Variants in ABCA6 observed in about 807,000 individuals in gnomAD.
The protein encoded by ABCA6 is ATP binding cassette subfamily A member 6, also known as ATP-binding cassette sub-family A member 6.
In ABCA6, 164 loss-of-function variants were observed where a neutral mutation model predicts 191.2. The observed-to-expected ratio is 0.86, with a 90% CI of 0.76 to 0.98. The LOEUF is 0.98. Among genes scored for constraint, ABCA6 ranks in the 50% least tolerant of loss-of-function variants. The probability of loss-of-function intolerance (pLI) is 0.00; values close to 1 mark genes in which losing one functional copy is unlikely to be tolerated. For synonymous variants in ABCA6, 636 were observed against 647.7 expected (o/e 0.98, Z 0.27); for missense variants, 1,958 against 1,894.1 (o/e 1.03, Z -0.63).
At position 69,124,207 on chromosome 17, in the gene ABCA6, A is replaced by G. The variant is rs553404464; in HGVS notation, c.1267+681T>C. Among the ~76,000 whole-genome samples the G allele has an allele frequency of 2.6e-5, 4 of 152,150 alleles. No homozygotes were observed. In the South Asian group the frequency reaches 8.3e-4, roughly 32 times the overall value. On this transcript the variant is annotated intron_variant, in intron 9 of 38. Transcript: ENST00000284425. The stretch of plus-strand genomic sequence containing the variant: ...AATTTATTATTAAGGGCCTTCACAT[A>G]TCAACCAGAAGTCACAGAAAGACAG...
Position 69,124,971 on chromosome 17 carries a change from G to T in ABCA6, c.1184C>A (p.Thr395Lys). Residue 395 changes from threonine to lysine, a missense_variant, in exon 9 of 39, where the codon ACA becomes AAA. By Grantham distance (78) the Thr-to-Lys change is moderately conservative. Transcript: ENST00000284425. Reference sequence around the variant, plus strand: ...CAACATAGAAAAAGTTGCTATCATTGTATATGAGTCTCCTGAAGGGTCAGG... The same window carrying T: ...CAACATAGAAAAAGTTGCTATCATTTTATATGAGTCTCCTGAAGGGTCAGG... ...IFPDPSGDSY[T>K]MIATFSMLLL... 6.4e-7 allele frequency: 1 copy of T among 1,558,084 alleles called. No homozygotes were observed.
In ABCA6 at chr17:69,091,341, T is replaced by C. The variant is rs557362822; in HGVS notation, c.3409-79A>G. 49 of 1,481,862 alleles carry C rather than the reference T, an allele frequency of 3.3e-5. No homozygotes were observed. The African/African-American group carries it at 5.4e-4, about 16-fold the overall frequency. The allele number at this position is 1,481,862 out of a possible 1,614,324, so 91.8% of individuals were successfully genotyped here. On this transcript the variant is annotated intron_variant, in intron 25 of 38. Transcript: ENST00000284425. Reference sequence around the variant, plus strand: ...TTGTAAAACATTTAAGATGCAGGTGTTCTCATGATGTATATCATAATGTTC... The same window carrying C: ...TTGTAAAACATTTAAGATGCAGGTGCTCTCATGATGTATATCATAATGTTC...
rs1159490117 is a variant in ABCA6, at chr17:69,093,331, A to T, written c.3409-2069T>A. On this transcript the variant is annotated intron_variant, in intron 25 of 38. Coordinates refer to ENST00000284425, the MANE Select transcript of ABCA6 (RefSeq NM_080284.3). The stretch of plus-strand genomic sequence containing the variant: ...AGTTGCGCACCCCCACCTCCGCCGA[A>T]GTTAAAGTTAAAAGAGAATACTAAC... 2.0e-5 allele frequency among the ~76,000 whole-genome samples: 3 copies of T among 152,214 alleles called. No homozygotes were observed. In the East Asian group the frequency reaches 5.8e-4, roughly 29 times the overall value.
intron 34 of ABCA6, among the ~76,000 whole-genome samples, chr17:69,084,050 A>G (rs1348944865): frequency 6.6e-6 from 1 of 152,198 alleles, no homozygotes; most frequent in Admixed American, 6.5e-5. Flanking sequence ...TAAAACCCCA[A>G]GAAAATGTTG....
chr17:69,112,207 C>T lies in ABCA6; in HGVS notation c.2108G>A (p.Arg703Lys), dbSNP rs2073436659. ...CAGSSMFLKR[R>K]WGLGYHLSLH... ...CCTTAGGTGATATCCAAGACCCCAC[C>T]TTCTTTTCAAAAACATAGAAGAACC... The change falls in exon 16 of 39, where the codon AGG (arginine) becomes AAG (lysine). Residue 703 changes from arginine (R) to lysine (K), a missense_variant. Arg to Lys is a conservative substitution (Grantham distance 26). Transcript: ENST00000284425. 4.3e-6 allele frequency: 7 copies of T among 1,612,342 alleles called. No homozygotes were observed. Among genetic ancestry groups the T allele is most frequent in the South Asian group, 1.1e-5 (1 of 91,020 alleles).
chr17:69,135,545 C>T (rs936716472), intron 4 of ABCA6: 2 of 155,096 alleles, frequency 1.3e-5, no homozygotes, highest in African/African-American at 4.8e-5. Flanking sequence ...TTTCATGTTC[C>T]TTGTTCAGCT....
At chr17:69,079,979 A>G (rs1457715872) in intron 37 of ABCA6, among the ~76,000 whole-genome samples, 1 of 152,158 alleles carries the variant, frequency 6.6e-6, no homozygotes, top group Non-Finnish European at 1.5e-5. Context: ...AGAAGGCCAC[A>G]CTAATAAGGT....
chr17:69,119,850 C>A (rs2073608718), intron 10 of ABCA6, among the ~76,000 whole-genome samples: 1 of 151,914 alleles, frequency 6.6e-6, no homozygotes, highest in Admixed American at 6.6e-5. Context: ...AAATTAGAAA[C>A]AACTAGAATA....
At chr17:69,139,098 G>A (rs1330432149) in intron 2 of ABCA6, among the ~76,000 whole-genome samples, 1 of 152,254 alleles carries the variant, frequency 6.6e-6, no homozygotes, top group East Asian at 1.9e-4. Context: ...TGACAAATGA[G>A]ATCTAATTAA....
In ABCA6 at chr17:69,110,818, C is replaced by T. The variant is rs937102043; in HGVS notation, c.2255G>A (p.Arg752Lys). The part of the protein sequence containing the change: ...EKLVYTLPLE[R>K]TNTFPDLFSD... Reference sequence around the variant, plus strand: ...TGAGTTACCTGGAAATGTATTTGTCCTTTCCAGTGGCAAAGTATATACAAG... The same window carrying T: ...TGAGTTACCTGGAAATGTATTTGTCTTTTCCAGTGGCAAAGTATATACAAG... Residue 752 changes from arginine to lysine, a missense_variant, in exon 17 of 39, where the codon AGG (arginine) becomes AAG (lysine). By Grantham distance (26) the Arg-to-Lys change is conservative. Transcript: ENST00000284425. 1.2e-6 allele frequency: 2 copies of T among 1,608,026 alleles called. No homozygotes were observed. Among genetic ancestry groups the T allele is most frequent in the Non-Finnish European group, 1.7e-6 (2 of 1,177,556 alleles).
chr17:69,083,241 A>T lies in ABCA6; in HGVS notation c.4446T>A (p.Arg1482=). 1 of 1,607,754 alleles carries T rather than the reference A, an allele frequency of 6.2e-7. No individual in the cohort carries two copies. The highest frequency in any genetic ancestry group is 8.5e-7 in the Non-Finnish European group (1 of 1,178,246). ...NLAEAEALCD[R]VAIMVSGRLR... ...GCCTTCCAGACACCATGATGGCCACACGGTCACACAAGGCTTCCGCCTCAG... is the reference window on the plus strand; with the variant it reads ...GCCTTCCAGACACCATGATGGCCACTCGGTCACACAAGGCTTCCGCCTCAG... The change falls in exon 35 of 39, where the codon CGT becomes CGA. Residue 1482 remains arginine (R), a synonymous_variant. Transcript: ENST00000284425.
intron 10 of ABCA6, 117 bp downstream of exon 10, chr17:69,123,122 C>T (rs1347432984): frequency 1.9e-6 from 1 of 519,664 alleles, no homozygotes; most frequent in Admixed American, 5.0e-5. Flanking sequence ...ATGTAACAAA[C>T]ATGCACGTTG....
At position 69,083,331 on chromosome 17, in the gene ABCA6, C is replaced by A. The variant is rs1194460228; in HGVS notation, c.4356G>T (p.Trp1452Cys). 6.4e-7 allele frequency: 1 copy of A among 1,571,752 alleles called. No homozygotes were observed. Among genetic ancestry groups the A allele is most frequent in the Admixed American group, 2.1e-5 (1 of 46,626 alleles). The change falls in exon 35 of 39, where the codon TGG becomes TGT. Residue 1452 changes from tryptophan (W) to cysteine (C), a missense_variant and splice_region_variant. Physicochemically the swap from Trp to Cys is radical, Grantham distance 215 (BLOSUM62 -2). Transcript: ENST00000284425. ...GIDPTGQQQM[W>C]QAIQAVVKNT... The stretch of plus-strand genomic sequence containing the variant: ...TTTTAACGACTGCCTGGATTGCCTG[C>A]CTGCAGTGAGCAAAAAAATTAACAG...
At position 69,129,632 on chromosome 17, in the gene ABCA6, AAG is replaced by A. The variant is rs765956554; in HGVS notation, c.909_910del (p.Leu306IlefsTer43). 4.3e-5 allele frequency: 68 copies of A among 1,596,398 alleles called. No individual in the cohort carries two copies. The East Asian group carries it at 1.4e-3, about 33-fold the overall frequency. ...TACCAAAGATAAGCCATATAAAAAAAAGAGTATAAATATGACCATGAAGCCAG... is the reference window on the plus strand; with the variant it reads ...TACCAAAGATAAGCCATATAAAAAAAAGTATAAATATGACCATGAAGCCAG... On this transcript the variant is annotated frameshift_variant, in exon 7 of 39. Coordinates refer to ENST00000284425, the MANE Select transcript of ABCA6 (RefSeq NM_080284.3). LOFTEE classifies it high-confidence loss of function.
intron 18 of ABCA6, among the ~76,000 whole-genome samples, chr17:69,106,882 A>C (rs1198773520): frequency 2.0e-5 from 3 of 152,188 alleles, no homozygotes; most frequent in Non-Finnish European, 4.4e-5. Context: ...ATACCAAAAG[A>C]ATAATTCACA....
chr17:69,140,821 G>T, intron 1 of ABCA6, 73 bp from the exon 2 acceptor site: 1 of 468,908 alleles, frequency 2.1e-6, no homozygotes, highest in South Asian at 5.8e-5. Flanking sequence ...CCTTTAAAAA[G>T]TGTAAACATG....
chr17:69,084,909 T>G, intron 32 of ABCA6, 119 bp downstream of exon 32: 1 of 1,279,556 alleles, frequency 7.8e-7, no homozygotes, highest in Non-Finnish European at 1.0e-6. Context: ...GCTCTGCCAC[T>G]GACACTCTGG....
intron 3 of ABCA6, among the ~76,000 whole-genome samples, chr17:69,136,547 C>A: frequency 6.6e-6 from 1 of 152,036 alleles, no homozygotes; most frequent in East Asian, 1.9e-4. Context: ...AATGAGAGTA[C>A]AAAAACAGAA....
Position 69,133,826 on chromosome 17 carries a change from A to G in ABCA6, c.606T>C (p.Val202=). 6.2e-7 allele frequency: 1 copy of G among 1,610,332 alleles called. No homozygotes were observed. The highest frequency in any genetic ancestry group is 8.5e-7 in the Non-Finnish European group (1 of 1,178,074). The stretch of plus-strand genomic sequence containing the variant: ...GTAATGTCTTCATAGTTATAGCAGT[A>G]ACTGACATCAACTCCTCCATCACAG... ...NHPVMEELMS[V]TAITMKTLPF... Residue 202 remains valine, a synonymous_variant, in exon 6 of 39, where the codon GTT becomes GTC. Coordinates refer to ENST00000284425, the MANE Select transcript of ABCA6 (RefSeq NM_080284.3).
Sources: gnomAD v4.1 joint callset for allele counts (sites outside exome capture counted in the v4.1 genomes callset) on GRCh38, gnomAD v4.1.1 for gene constraint, MANE v1.5 for transcripts, NCBI Gene and HGNC (gene_info 2026-07-23, HGNC 2026-07-21) for gene names.